The following MRAP2 variants were observed in gnomAD, a reference collection of about 807,000 sequenced individuals.
MRAP2 encodes melanocortin-2 receptor accessory protein 2.
Under a neutral mutation model 17.4 loss-of-function variants are expected in MRAP2, and 20 were observed. The ratio of observed to expected loss-of-function variants is 1.15; its 90% CI spans 0.81 to 1.67. The LOEUF (loss-of-function observed/expected upper bound fraction) is 1.67, where lower values mean the gene tolerates loss of function less well. Among genes scored for constraint, MRAP2 ranks in the 40% most tolerant of loss-of-function variants. The pLI, the probability that MRAP2 is intolerant of heterozygous loss-of-function variation, is 0.00. For missense variants in MRAP2, 238 were observed against 240.0 expected (o/e 0.99, Z 0.05); for synonymous variants, 96 against 88.4 (o/e 1.09, Z -0.48).
At chr6:84,122,854 T>C in the MRAP2 span, among the ~76,000 whole-genome samples, 37 of 152,206 alleles carry the variant, frequency 2.4e-4, no homozygotes, top group Admixed American at 2.0e-4. Flanking sequence ...AGAAGACTCG[T>C]AGACTTGACA....
rs76197845 is a variant in MRAP2 at position 84,047,492 on chromosome 6, TA to T, written c.-7-7807del. ...CAGGCATGATCCACCAAGCCTAGCC[TA>T]AAAAAAAAAAAACTATAAACAATAT... On this transcript the variant is annotated intron_variant, in intron 1 of 3. Transcript: ENST00000257776. Among the ~76,000 whole-genome samples the T allele has an allele frequency of 9.5e-3, 1,343 of 141,910 alleles. 16 individuals are homozygous for T. The highest frequency in any genetic ancestry group is 0.03 in the African/African-American group (1,178 of 38,994). 93.1% of individuals were successfully genotyped at this position (141,910 alleles called of 152,430 possible).
rs543451281 is a variant in MRAP2, at chr6:84,088,220, C to T, written c.228-871C>T. 2.0e-5 allele frequency among the ~76,000 whole-genome samples: 3 copies of T among 152,184 alleles called. No homozygotes were observed. The South Asian group carries it at 6.2e-4, about 32-fold the overall frequency. ...GATTTGTGCCTTTAAGGAGTCACTA[C>T]CTGTGCATGGGCAATCCTTCTTTAA... On this transcript the variant is annotated intron_variant, in intron 3 of 3. Coordinates refer to ENST00000257776, the MANE Select transcript of MRAP2 (RefSeq NM_138409.4).
intron 3 of MRAP2, among the ~76,000 whole-genome samples, chr6:84,067,982 C>T (rs900325888): frequency 5.3e-5 from 8 of 152,022 alleles, no homozygotes; most frequent in African/African-American, 9.7e-5. Context: ...CATCTAGAAG[C>T]GTTTTTCCAA....
chr6:84,101,131 T>C, the MRAP2 span, among the ~76,000 whole-genome samples: 2 of 152,204 alleles, frequency 1.3e-5, no homozygotes, highest in South Asian at 2.1e-4. Context: ...CCTTCATCCT[T>C]GAACTCTTGG....
the MRAP2 span, among the ~76,000 whole-genome samples, chr6:84,122,014 T>A: frequency 3.8e-4 from 57 of 151,882 alleles, no homozygotes; most frequent in Non-Finnish European, 4.9e-4. Context: ...ATTGAAAGAG[T>A]AAACCAAATT....
intron 1 of MRAP2, among the ~76,000 whole-genome samples, chr6:84,038,569 G>A (rs1398113199): frequency 6.6e-6 from 1 of 152,040 alleles, no homozygotes; most frequent in Admixed American, 6.6e-5. Context: ...ACAGCTCACT[G>A]CAGCCTCAAC....
chr6:84,070,861 T>G (rs751000949), intron 3 of MRAP2, among the ~76,000 whole-genome samples: 4 of 152,334 alleles, frequency 2.6e-5, no homozygotes, highest in Admixed American at 6.5e-5. Context: ...AAAGTTTGTT[T>G]TGTCTGATAC....
the MRAP2 span, among the ~76,000 whole-genome samples, chr6:84,130,545 G>A: frequency 3.3e-5 from 5 of 152,196 alleles, no homozygotes; most frequent in Non-Finnish European, 7.4e-5. Context: ...ACTTGTTATT[G>A]GTCTATTCAG....
intron 3 of MRAP2, among the ~76,000 whole-genome samples, chr6:84,070,446 G>A (rs1163023650): frequency 3.9e-5 from 6 of 152,268 alleles, no homozygotes; most frequent in African/African-American, 1.2e-4. Context: ...ATTCTACTGT[G>A]ATCTGAAAGA....
At chr6:84,041,980 A>G (rs1262154758) in intron 1 of MRAP2, among the ~76,000 whole-genome samples, 1 of 152,128 alleles carries the variant, frequency 6.6e-6, no homozygotes, top group African/African-American at 2.4e-5. Flanking sequence ...GAGTGTAATG[A>G]TATGGTTAGG....
chr6:84,133,179 A>G, the MRAP2 span, among the ~76,000 whole-genome samples: 8 of 152,160 alleles, frequency 5.3e-5, no homozygotes, highest in African/African-American at 1.9e-4. Flanking sequence ...AACAGCAAAT[A>G]TTGCAGAACA....
At chr6:84,069,564 T>C (rs1006375511) in intron 3 of MRAP2, among the ~76,000 whole-genome samples, 4 of 152,172 alleles carry the variant, frequency 2.6e-5, no homozygotes, top group Admixed American at 6.5e-5. Context: ...CTTTTTTGGT[T>C]ATGTCCTTTC....
intron 3 of MRAP2, among the ~76,000 whole-genome samples, chr6:84,069,877 C>T (rs552274848): frequency 2.0e-5 from 3 of 152,054 alleles, no homozygotes; most frequent in East Asian, 1.9e-4. Flanking sequence ...AGTTTATGTG[C>T]GTAAAGGTTC....
chr6:84,115,793 C>T, the MRAP2 span, among the ~76,000 whole-genome samples: 2 of 152,156 alleles, frequency 1.3e-5, no homozygotes, highest in Non-Finnish European at 2.9e-5. Context: ...CACTGTTCCT[C>T]ATGTCACAGT....
At chr6:84,145,466 TTA>T in the MRAP2 span, among the ~76,000 whole-genome samples, 1 of 152,278 alleles carries the variant, frequency 6.6e-6, no homozygotes, top group South Asian at 2.1e-4. Flanking sequence ...CTTATTGTGA[TTA>T]TCTCTGATAG....
At chr6:84,102,032 C>A in the MRAP2 span, among the ~76,000 whole-genome samples, 2,925 of 151,784 alleles carry the variant, frequency 0.019, 48 homozygotes, top group Non-Finnish European at 0.03. Context: ...GACATTAGAT[C>A]TTGGATATAT....
At position 84,089,226 on chromosome 6, in the gene MRAP2, T is replaced by C. The variant is rs769800457; in HGVS notation, c.363T>C (p.Asn121=). Residue 121 remains asparagine (N), a synonymous_variant, in exon 4 of 4, where the codon AAT becomes AAC. Coordinates refer to ENST00000257776, the MANE Select transcript of MRAP2 (RefSeq NM_138409.4). Reference sequence around the variant, plus strand: ...GGTCTCTCTTTCACTGCTACATCAATGAGGTGGAACGCTTGGACAGAGCCA... The same window carrying C: ...GGTCTCTCTTTCACTGCTACATCAACGAGGTGGAACGCTTGGACAGAGCCA... ...ESRSLFHCYI[N]EVERLDRAKA... is the part of the protein sequence containing the mutation. 6.2e-7 allele frequency: 1 copy of C among 1,614,182 alleles called. No individual in the cohort carries two copies. The highest frequency in any genetic ancestry group is 1.7e-5 in the Admixed American group (1 of 60,028).
downstream of MRAP2, among the ~76,000 whole-genome samples, chr6:84,092,496 A>C (rs925866462): frequency 1.3e-5 from 2 of 152,212 alleles, no homozygotes; most frequent in Non-Finnish European, 1.5e-5. Context: ...ATCTAATTTC[A>C]GTATTAGTGA....
At chr6:84,106,224 G>T in the MRAP2 span, among the ~76,000 whole-genome samples, 51 of 152,292 alleles carry the variant, frequency 3.3e-4, no homozygotes, top group Middle Eastern at 3.4e-3. Flanking sequence ...CTTGTGAAAT[G>T]ATTTTCTTGG....
Sources: gnomAD v4.1 joint callset for allele counts (sites outside exome capture counted in the v4.1 genomes callset) on GRCh38, gnomAD v4.1.1 for gene constraint, MANE v1.5 for transcripts, NCBI Gene and HGNC (gene_info 2026-07-23, HGNC 2026-07-21) for gene names.